The following OR5A2 variants were observed in gnomAD, a reference collection of about 807,000 sequenced individuals.
The protein encoded by OR5A2 is olfactory receptor 5A2.
For missense variants in OR5A2, 406 were observed against 398.9 expected, an observed-to-expected ratio of 1.02 and a Z score of -0.15; for synonymous variants, 155 against 151.1, an observed-to-expected ratio of 1.03 and a Z score of -0.19.
chr11:59,419,118 T>G lies in OR5A2; in HGVS notation c.*2861A>C, dbSNP rs921676762. The stretch of plus-strand genomic sequence containing the variant: ...ATAGAGTTGGCAAAATGGCCACAGC[T>G]GTGAACCTGAGCCCGCTCTAGTTCC... On this transcript the variant is annotated 3_prime_UTR_variant, in exon 2 of 2. Coordinates refer to ENST00000302040, the MANE Select transcript of OR5A2 (RefSeq NM_001001954.2). 4 of 152,168 alleles carry G rather than the reference T, an allele frequency of 2.6e-5. No individual in the cohort carries two copies. Among genetic ancestry groups the G allele is most frequent in the African/African-American group, 9.7e-5 (4 of 41,446 alleles). 9.4% of individuals were successfully genotyped at this position (152,168 alleles called of 1,614,324 possible). A position where few individuals can be genotyped will look rare whatever the true frequency, so the allele number is the denominator to read the frequency against.
At position 59,419,530 on chromosome 11, in the gene OR5A2, G is replaced by A. The variant is rs930545386; in HGVS notation, c.*2449C>T. The stretch of plus-strand genomic sequence containing the variant: ...CAACACAGCCGTCAGAAGGTCCTGA[G>A]AATATTCGCCCAAGGTGGTCGGGGT... On this transcript the variant is annotated 3_prime_UTR_variant, in exon 2 of 2. Coordinates refer to ENST00000302040, the MANE Select transcript of OR5A2 (RefSeq NM_001001954.2). The A allele has an allele frequency of 6.6e-5, 10 of 152,148 alleles. No individual in the cohort carries two copies. The highest frequency in any genetic ancestry group is 2.4e-4 in the African/African-American group (10 of 41,442). The allele number at this position is 152,148 out of a possible 1,614,324, so 9.4% of individuals were successfully genotyped here.
chr11:59,423,866 G>A (rs1858262806), intron 1 of OR5A2: 2 of 152,184 alleles, frequency 1.3e-5, no homozygotes, highest in Admixed American at 6.5e-5. Context: ...TTCCATAAAG[G>A]GGAAAGGGGA....
chr11:59,426,095 G>A (rs549562776), intron 1 of OR5A2, 76 bp downstream of exon 1: 1 of 152,308 alleles, frequency 6.6e-6, no homozygotes, highest in Admixed American at 6.5e-5. Context: ...ACAAATAAAA[G>A]GTAGAATAGG....
Position 59,422,268 on chromosome 11 carries a change from A to C in OR5A2, c.686T>G (p.Ile229Ser), listed in dbSNP as rs753584685. The change falls in exon 2 of 2, where the codon ATC becomes AGC. Residue 229 changes from isoleucine (I) to serine (S), a missense_variant. By Grantham distance (142) the Ile-to-Ser change is moderately radical. Transcript: ENST00000302040. ...CTTTGTCCTACCTGTAGCTGAGCTG[A>C]TCTTCACAACAGCAGCAACAATGTA... ...YGYIVAAVVKISSATGRTKAF... is the reference protein window; with the variant it reads ...YGYIVAAVVKSSSATGRTKAF... The C allele has an allele frequency of 6.2e-7, 1 of 1,614,132 alleles. No individual in the cohort carries two copies. Among genetic ancestry groups the C allele is most frequent in the South Asian group, 1.1e-5 (1 of 91,076 alleles).
At chr11:59,423,283 C>T (rs937377865) in intron 1 of OR5A2, 4 of 223,224 alleles carry the variant, frequency 1.8e-5, no homozygotes, top group African/African-American at 9.0e-5. Flanking sequence ...AGTCATTTCT[C>T]CAGATTCTCA....
Position 59,422,169 on chromosome 11 carries a change from C to T in OR5A2, c.785G>A (p.Arg262Gln), listed in dbSNP as rs774409327. The T allele has an allele frequency of 2.1e-5, 34 of 1,613,884 alleles. No homozygotes were observed. In the Admixed American group the frequency reaches 2.5e-4, roughly 12 times the overall value. The change falls in exon 2 of 2, where the codon CGA becomes CAA. Residue 262 changes from arginine (R) to glutamine (Q), a missense_variant. By Grantham distance (43) the Arg-to-Gln change is conservative. Coordinates refer to ENST00000302040, the MANE Select transcript of OR5A2 (RefSeq NM_001001954.2). ...GTTTAGGGAGTAGCTGGAACTGGGTCGCATGTACATGAAGAATCCAGAACC... is the reference window on the plus strand; with the variant it reads ...GTTTAGGGAGTAGCTGGAACTGGGTTGCATGTACATGAAGAATCCAGAACC... ...FYGSGFFMYMRPSSSYSLNRD... is the reference protein window; with the variant it reads ...FYGSGFFMYMQPSSSYSLNRD...
intron 1 of OR5A2, 79 bp downstream of exon 1, chr11:59,426,092 A>T (rs767596620): frequency 1.3e-5 from 2 of 152,244 alleles, no homozygotes; most frequent in African/African-American, 2.4e-5. Context: ...TTTACAAATA[A>T]AAGGTAGAAT....
Position 59,417,551 on chromosome 11 carries a change from G to A in OR5A2, c.*4428C>T, listed in dbSNP as rs1287610126. ...GGACAAGTCACCAGGAAATCAGGGAGGTAGTCACGGATCAAGCTGATGGAA... is the reference window on the plus strand; with the variant it reads ...GGACAAGTCACCAGGAAATCAGGGAAGTAGTCACGGATCAAGCTGATGGAA... On this transcript the variant is annotated 3_prime_UTR_variant, in exon 2 of 2. Coordinates refer to ENST00000302040, the MANE Select transcript of OR5A2 (RefSeq NM_001001954.2). 1 of 152,054 alleles carries A rather than the reference G, an allele frequency of 6.6e-6. No individual in the cohort carries two copies. Among genetic ancestry groups the A allele is most frequent in the Non-Finnish European group, 1.5e-5 (1 of 67,992 alleles). 9.4% of individuals were successfully genotyped at this position (152,054 alleles called of 1,614,324 possible).
rs772482233 is a variant in OR5A2, at chr11:59,422,990, T to C, written c.-37A>G. ...CTGCATAAAGTCTTTACTTTCTTCT[T>C]TAAGAATCCTGTGGTCAGCTAGATT... On this transcript the variant is annotated 5_prime_UTR_variant, in exon 2 of 2. Coordinates refer to ENST00000302040, the MANE Select transcript of OR5A2 (RefSeq NM_001001954.2). 6.4e-7 allele frequency: 1 copy of C among 1,560,564 alleles called. No homozygotes were observed. Among genetic ancestry groups the C allele is most frequent in the Non-Finnish European group, 8.7e-7 (1 of 1,154,180 alleles).
At chr11:59,423,879 C>G (rs1253995687) in intron 1 of OR5A2, 1 of 152,082 alleles carries the variant, frequency 6.6e-6, no homozygotes, top group Non-Finnish European at 1.5e-5. Context: ...AAAGGGGAGC[C>G]GTACCTAAGC....
rs1858172018 is a variant in OR5A2, at chr11:59,417,687, A to C, written c.*4292T>G. The C allele has an allele frequency of 6.6e-6, 1 of 152,084 alleles. No individual in the cohort carries two copies. The highest frequency in any genetic ancestry group is 1.5e-5 in the Non-Finnish European group (1 of 67,986). The allele number at this position is 152,084 out of a possible 1,614,324, so 9.4% of individuals were successfully genotyped here. ...TTCATTATCTAGACACAAGCAAGTG[A>C]AATACAAATGATTCCTCATTTCTGT... On this transcript the variant is annotated 3_prime_UTR_variant, in exon 2 of 2. Transcript: ENST00000302040.
chr11:59,422,664 C>T lies in OR5A2; in HGVS notation c.290G>A (p.Gly97Asp). 6.2e-7 allele frequency: 1 copy of T among 1,614,122 alleles called. No homozygotes were observed. ...ITEQKTISFV[G>D]CATQYFVFCG... ...GAAGACAAAGTACTGAGTGGCACAG[C>T]CAACAAAGGAAATGGTTTTCTGCTC... Residue 97 changes from glycine to aspartate, a missense_variant, in exon 2 of 2, where the codon GGC (glycine) becomes GAC (aspartate). Gly to Asp is a moderately conservative substitution (Grantham distance 94, BLOSUM62 -1). Coordinates refer to ENST00000302040, the MANE Select transcript of OR5A2 (RefSeq NM_001001954.2).
intron 1 of OR5A2, chr11:59,423,602 G>A (rs1194482346): frequency 6.6e-6 from 1 of 151,522 alleles, no homozygotes. Flanking sequence ...GTGTGTGTGT[G>A]TGTATACATA....
chr11:59,424,593 CA>C (rs200939098), intron 1 of OR5A2: 25 of 141,494 alleles, frequency 1.8e-4, no homozygotes, highest in East Asian at 1.0e-3. Context: ...GACCCTGTCT[CA>C]AAAAAAAAAG....
rs1858240914 is a variant in OR5A2, at chr11:59,422,541, G to T, written c.413C>A (p.Ser138Tyr). The change falls in exon 2 of 2, where the codon TCC (serine) becomes TAC (tyrosine). Residue 138 changes from serine (S) to tyrosine (Y), a missense_variant. Physicochemically the swap from Ser to Tyr is moderately radical, Grantham distance 144. Transcript: ENST00000302040. ...CACCATCTTTAAACAAAGTGTATGG[G>T]ATATGAGGACTGTGTAAAGCAAGGG... ...CNPLLYTVLISHTLCLKMVVG... is the reference protein window; with the variant it reads ...CNPLLYTVLIYHTLCLKMVVG... The T allele has an allele frequency of 6.2e-7, 1 of 1,614,076 alleles. No homozygotes were observed. Among genetic ancestry groups the T allele is most frequent in the African/African-American group, 1.3e-5 (1 of 74,924 alleles).
chr11:59,423,776 T>C (rs992060876), intron 1 of OR5A2: 2 of 152,084 alleles, frequency 1.3e-5, no homozygotes, highest in Non-Finnish European at 2.9e-5. Context: ...AGAAAAGTCA[T>C]TGCACAAAAT....
chr11:59,421,989 G>T lies in OR5A2; in HGVS notation c.965C>A (p.Thr322Asn). Residue 322 changes from threonine (T) to asparagine (N), a missense_variant, in exon 2 of 2, where the codon ACC becomes AAC. Physicochemically the swap from Thr to Asn is moderately conservative, Grantham distance 65 (BLOSUM62 0). Coordinates refer to ENST00000302040, the MANE Select transcript of OR5A2 (RefSeq NM_001001954.2). ...ISHGGPFIFM[T>N]LG is the part of the protein sequence containing the mutation. ...GCTTCATTGTAAACATTAGCCCAAG[G>T]TCATAAAAATGAATGGTCCACCGTG... 2.5e-6 allele frequency: 4 copies of T among 1,604,858 alleles called. No homozygotes were observed. Among genetic ancestry groups the T allele is most frequent in the Non-Finnish European group, 3.4e-6 (4 of 1,174,968 alleles).
rs748411554 is a variant in OR5A2, at chr11:59,422,134, C to A, written c.820G>T (p.Val274Leu). 44 of 1,614,006 alleles carry A rather than the reference C, an allele frequency of 2.7e-5. No individual in the cohort carries two copies. The highest frequency in any genetic ancestry group is 3.7e-5 in the Non-Finnish European group (44 of 1,179,932). ...ACCAAGGCATAGAATATGGACACCACCTTGTCCCTGTTTAGGGAGTAGCTG... is the reference window on the plus strand; with the variant it reads ...ACCAAGGCATAGAATATGGACACCAACTTGTCCCTGTTTAGGGAGTAGCTG... ...SSSYSLNRDK[V>L]VSIFYALVIP... Residue 274 changes from valine to leucine, a missense_variant, in exon 2 of 2, where the codon GTG becomes TTG. Physicochemically the swap from Val to Leu is conservative, Grantham distance 32 (BLOSUM62 1). Transcript: ENST00000302040.
chr11:59,423,816 C>T (rs977498831), intron 1 of OR5A2: 3 of 151,984 alleles, frequency 2.0e-5, no homozygotes, highest in Non-Finnish European at 4.4e-5. Flanking sequence ...TGGACTAGCA[C>T]GGTCAGCACA....
Sources: gnomAD v4.1 joint callset for allele counts on GRCh38, gnomAD v4.1.1 for gene constraint, MANE v1.5 for transcripts, NCBI Gene and HGNC (gene_info 2026-07-23, HGNC 2026-07-21) for gene names.